Variants in EGFR observed in about 807,000 individuals in gnomAD.
The protein encoded by EGFR is avian erythroblastic leukemia viral (v-erb-b) oncogene homolog.
A neutral mutation model predicts 143.0 loss-of-function variants in EGFR; 58 were observed. That is an observed-to-expected ratio of 0.41 (90% confidence interval 0.33 to 0.50). EGFR has a LOEUF of 0.50. EGFR is among the 20% of genes least tolerant of loss of function. The pLI, the probability that EGFR is intolerant of heterozygous loss-of-function variation, is 0.39. For synonymous variants in EGFR, 613 were observed against 594.4 expected (o/e 1.03, Z -0.45); for missense variants, 1,307 against 1,579.0 (o/e 0.83, Z 2.92).
At chr7:55,030,153 G>A (rs1220902545) in intron 1 of EGFR, among the ~76,000 whole-genome samples, 1 of 152,164 alleles carries the variant, frequency 6.6e-6, no homozygotes, top group Non-Finnish European at 1.5e-5. Flanking sequence ...CTGCTACACA[G>A]CACTGTCTCT....
intron 1 of EGFR, among the ~76,000 whole-genome samples, chr7:55,056,098 A>G (rs1379194346): frequency 6.6e-6 from 1 of 152,220 alleles, no homozygotes; most frequent in Admixed American, 6.5e-5. Flanking sequence ...GGCTCCCAGC[A>G]GATGCTCCTC....
chr7:55,098,926 C>T (rs558588153), intron 1 of EGFR, among the ~76,000 whole-genome samples: 6 of 152,286 alleles, frequency 3.9e-5, no homozygotes, highest in South Asian at 2.1e-4. Context: ...CTTCTGATTT[C>T]GAAGCAGTGG....
chr7:55,089,080 C>T (rs977012126), intron 1 of EGFR, among the ~76,000 whole-genome samples: 7 of 150,400 alleles, frequency 4.7e-5, no homozygotes, highest in Non-Finnish European at 1.0e-4. Flanking sequence ...AAATAAAGGT[C>T]GATCATTTAG....
chr7:55,147,921 G>A (rs1439777999), intron 4 of EGFR, among the ~76,000 whole-genome samples: 1 of 152,214 alleles, frequency 6.6e-6, no homozygotes, highest in East Asian at 1.9e-4. Context: ...CTAGCAAAAT[G>A]TCCCGAAGGT....
At chr7:55,070,051 CT>C (rs1248484059) in intron 1 of EGFR, among the ~76,000 whole-genome samples, 2 of 152,156 alleles carry the variant, frequency 1.3e-5, no homozygotes, top group Non-Finnish European at 2.9e-5. Context: ...GAACATCACA[CT>C]TGAAAAGTAC....
chr7:55,100,174 C>G (rs1249543673), intron 1 of EGFR, among the ~76,000 whole-genome samples: 1 of 152,210 alleles, frequency 6.6e-6, no homozygotes. Flanking sequence ...CGATGCCTGA[C>G]AGTGCCCAGG....
chr7:55,072,097 C>G (rs1451989587), intron 1 of EGFR, among the ~76,000 whole-genome samples: 1 of 76,862 alleles, frequency 1.3e-5, no homozygotes, highest in African/African-American at 4.2e-5. Context: ...CTGGTTAGGC[C>G]TTGGAATCCA....
chr7:55,089,756 A>T (rs1470075431), intron 1 of EGFR, among the ~76,000 whole-genome samples: 1 of 151,866 alleles, frequency 6.6e-6, no homozygotes, highest in African/African-American at 2.4e-5. Context: ...CCCACCTCTC[A>T]CCTTTCCCTA....
At chr7:55,065,186 G>A (rs1789424321) in intron 1 of EGFR, among the ~76,000 whole-genome samples, 1 of 152,176 alleles carries the variant, frequency 6.6e-6, no homozygotes, top group Non-Finnish European at 1.5e-5. Flanking sequence ...GTGCAACTCT[G>A]GAATTTCTTA....
At chr7:55,100,710 C>T (rs1791759757) in intron 1 of EGFR, among the ~76,000 whole-genome samples, 1 of 152,208 alleles carries the variant, frequency 6.6e-6, no homozygotes, top group African/African-American at 2.4e-5. Flanking sequence ...TGGGCCACTC[C>T]TGGGACACGC....
intron 23 of EGFR, 118 bp downstream of exon 23, chr7:55,198,981 A>C (rs1787735519): frequency 7.4e-7 from 1 of 1,349,612 alleles, no homozygotes; most frequent in Middle Eastern, 2.2e-4. Context: ...TAAGGCAGGC[A>C]CACAAATCCA....
chr7:55,172,548 C>G (rs1786399392), intron 16 of EGFR, among the ~76,000 whole-genome samples: 1 of 151,860 alleles, frequency 6.6e-6, no homozygotes, highest in Non-Finnish European at 1.5e-5. Context: ...AAAGTCCCTT[C>G]ACCCAGCCTG....
chr7:55,132,766 C>T (rs1184726592), intron 1 of EGFR, among the ~76,000 whole-genome samples: 21 of 152,202 alleles, frequency 1.4e-4, no homozygotes, highest in Admixed American at 1.3e-3. Context: ...AAAGGACTCA[C>T]ATATTCCTTC....
intron 12 of EGFR, 67 bp downstream of exon 12, chr7:55,160,405 T>C (rs1223650272): frequency 1.3e-6 from 2 of 1,493,664 alleles, no homozygotes; most frequent in African/African-American, 2.8e-5. Context: ...GTATTTAGAA[T>C]ATTGAAGGGC....
intron 1 of EGFR, among the ~76,000 whole-genome samples, chr7:55,106,937 T>C (rs974090678): frequency 1.3e-5 from 2 of 152,236 alleles, no homozygotes; most frequent in African/African-American, 2.4e-5. Flanking sequence ...TATTCCTGAA[T>C]TGGCTTTCAC....
chr7:55,118,085 G>A (rs926928773), intron 1 of EGFR, among the ~76,000 whole-genome samples: 6 of 152,206 alleles, frequency 3.9e-5, no homozygotes, highest in Admixed American at 3.3e-4. Context: ...CCCAGCACAA[G>A]TTAATTTTTC....
chr7:55,152,372 G>A, intron 5 of EGFR, 174 bp from the exon 6 acceptor site: 1 of 775,824 alleles, frequency 1.3e-6, no homozygotes, highest in East Asian at 2.4e-5. Context: ...TAAATCAGGA[G>A]AAAAAAGAGG....
Position 55,168,001 on chromosome 7 carries a change from C to G in EGFR, c.1880+2564C>G, listed in dbSNP as rs552475699. On this transcript the variant is annotated intron_variant, in intron 15 of 27. Transcript: ENST00000275493. ...AATTATCTAGTTAAGGAAGTACTCACCTATACCTAGTTTTTAACTGTTTTT... is the reference window on the plus strand; with the variant it reads ...AATTATCTAGTTAAGGAAGTACTCAGCTATACCTAGTTTTTAACTGTTTTT... Among the ~76,000 whole-genome samples, 40 of 152,192 alleles carry G rather than the reference C, an allele frequency of 2.6e-4. 1 individual carries two copies. Among genetic ancestry groups the G allele is most frequent in the African/African-American group, 9.1e-4 (38 of 41,532 alleles).
At chr7:55,108,233 A>G (rs1792253163) in intron 1 of EGFR, among the ~76,000 whole-genome samples, 2 of 152,276 alleles carry the variant, frequency 1.3e-5, no homozygotes, top group South Asian at 4.1e-4. Flanking sequence ...AGAATTTTCA[A>G]CAAAAATAGA....
Sources: gnomAD v4.1 joint callset for allele counts (sites outside exome capture counted in the v4.1 genomes callset) on GRCh38, gnomAD v4.1.1 for gene constraint, MANE v1.5 for transcripts, NCBI Gene and HGNC (gene_info 2026-07-23, HGNC 2026-07-21) for gene names.